The following P2RY10 variants were observed in gnomAD, a reference collection of about 807,000 sequenced individuals.
P2RY10 encodes P2Y receptor family member 10.
A neutral mutation model predicts 12.1 loss-of-function variants in P2RY10; 4 were observed. The observed-to-expected ratio is 0.33, with a 90% CI of 0.16 to 0.76. P2RY10 has a LOEUF of 0.76. Among genes scored for constraint, P2RY10 ranks in the 30% least tolerant of loss-of-function variants. The pLI is 0.61. For missense variants in P2RY10, 233 were observed against 264.6 expected (o/e 0.88, Z 0.83); for synonymous variants, 112 against 94.1 (o/e 1.19, Z -1.10).
At chrX:78,957,592 C>T (rs939589444) in intron 3 of P2RY10, among the ~76,000 whole-genome samples, 9 of 110,953 alleles carry the variant, frequency 8.1e-5, no homozygotes, top group Non-Finnish European at 1.7e-4. Flanking sequence ...TGCTCAACCC[C>T]AAATAAATAC....
At chrX:78,953,427 C>G (rs977561703) in intron 3 of P2RY10, among the ~76,000 whole-genome samples, 23 of 111,827 alleles carry the variant, frequency 2.1e-4, no homozygotes, top group African/African-American at 7.5e-4. Flanking sequence ...GCAGATAGTA[C>G]AAAATTGAAA....
In P2RY10 at chrX:78,962,892, G is replaced by GT. The variant is rs1357185053; in HGVS notation, c.*1358dup. On this transcript the variant is annotated 3_prime_UTR_variant, in exon 4 of 4. Transcript: ENST00000171757. ...GCTATATAATATTGTAAACAAATTT[G>GT]TTTTTTAGAAACTTTTAAGAAGATT... is the stretch of plus-strand genomic sequence containing the variant. Among the ~76,000 whole-genome samples the GT allele has an allele frequency of 8.9e-6, 1 of 111,865 alleles. No individual in the cohort carries two copies. Among genetic ancestry groups the GT allele is most frequent in the Non-Finnish European group, 1.9e-5 (1 of 53,123 alleles).
In P2RY10 at chrX:78,960,872, T is replaced by A; in HGVS notation, c.352T>A (p.Tyr118Asn). Residue 118 changes from tyrosine to asparagine, a missense_variant, in exon 4 of 4, where the codon TAT (tyrosine) becomes AAT (asparagine). Coordinates refer to ENST00000171757, the MANE Select transcript of P2RY10 (RefSeq NM_014499.4). ...CTTCTACCTGAAGTATCTCAACATG[T>A]ATGCCAGCATTTGTTTCCTGACGTG... ...LCFYLKYLNM[Y>N]ASICFLTCIS... 1 of 1,211,450 alleles carries A rather than the reference T, an allele frequency of 8.3e-7. No homozygotes were observed. The highest frequency in any genetic ancestry group is 1.8e-5 in the South Asian group (1 of 56,988).
Position 78,961,600 on chromosome X carries a change from G to A in P2RY10, c.*60G>A, listed in dbSNP as rs975571437. On this transcript the variant is annotated 3_prime_UTR_variant, in exon 4 of 4. Coordinates refer to ENST00000171757, the MANE Select transcript of P2RY10 (RefSeq NM_014499.4). The stretch of plus-strand genomic sequence containing the variant: ...CCTACGTTCCTTGTCTTTTTCCAAA[G>A]GCCAGAATTGTCAACCAATTTCTTT... The A allele has an allele frequency of 9.0e-6, 8 of 890,580 alleles. No individual in the cohort carries two copies. In the African/African-American group the frequency reaches 1.6e-4, roughly 18 times the overall value. The allele number at this position is 890,580 out of a possible 1,213,427, so 73.4% of individuals were successfully genotyped here.
In P2RY10 at chrX:78,963,566, T is replaced by C. The variant is rs1474027863; in HGVS notation, c.*2026T>C. Among the ~76,000 whole-genome samples, 1 of 112,637 alleles carries C rather than the reference T, an allele frequency of 8.9e-6. No homozygotes were observed. Among genetic ancestry groups the C allele is most frequent in the Non-Finnish European group, 1.9e-5 (1 of 53,323 alleles). On this transcript the variant is annotated 3_prime_UTR_variant, in exon 4 of 4. Transcript: ENST00000171757. ...CTTTCAAGTGGTTGATAAAAGGTAG[T>C]GCTTCAAGCACAGGATTTATGGAAT... is the stretch of plus-strand genomic sequence containing the variant.
intron 3 of P2RY10, among the ~76,000 whole-genome samples, chrX:78,958,328 A>G (rs144235950): frequency 1.7e-4 from 19 of 112,573 alleles, no homozygotes; most frequent in African/African-American, 6.1e-4. Flanking sequence ...GTAGAAAACC[A>G]AAAACCAGGT....
At chrX:78,951,553 G>A (rs1006879169) in intron 2 of P2RY10, among the ~76,000 whole-genome samples, 2 of 111,071 alleles carry the variant, frequency 1.8e-5, no homozygotes, top group South Asian at 3.8e-4. Context: ...GAAGAAGAGG[G>A]GAGTGAGAGT....
chrX:78,955,562 CAG>C (rs1473828395), intron 3 of P2RY10, among the ~76,000 whole-genome samples: 1 of 111,616 alleles, frequency 9.0e-6, no homozygotes, highest in Non-Finnish European at 1.9e-5. Flanking sequence ...AAACCTATGT[CAG>C]AGAGAACAGA....
At chrX:78,953,365 A>G (rs976630407) in intron 3 of P2RY10, among the ~76,000 whole-genome samples, 3 of 112,010 alleles carry the variant, frequency 2.7e-5, no homozygotes, top group Non-Finnish European at 5.6e-5. Flanking sequence ...AAGCTCAGTC[A>G]TTATGTTAGA....
At chrX:78,946,752 T>A (rs1278875619) in intron 1 of P2RY10, among the ~76,000 whole-genome samples, 1 of 112,478 alleles carries the variant, frequency 8.9e-6, no homozygotes, top group Non-Finnish European at 1.9e-5. Flanking sequence ...GTTTTTGCAA[T>A]GGTTCCTGTT....
chrX:78,954,735 A>G (rs1179917611), intron 3 of P2RY10, among the ~76,000 whole-genome samples: 1 of 112,237 alleles, frequency 8.9e-6, no homozygotes. Context: ...ATCCTTTGCA[A>G]TTAGCATATA....
At chrX:78,953,995 G>T (rs763327749) in intron 3 of P2RY10, among the ~76,000 whole-genome samples, 4 of 111,750 alleles carry the variant, frequency 3.6e-5, no homozygotes, top group South Asian at 7.6e-4. Context: ...CTCCTGAGTG[G>T]CTGGGACCAC....
At chrX:78,960,411 A>G (rs1251172822) in intron 3 of P2RY10, 97 bp from the exon 4 acceptor site, 4 of 621,724 alleles carry the variant, frequency 6.4e-6, no homozygotes, top group Admixed American at 3.7e-5. Context: ...TTCTAATTCT[A>G]ATAGTCTGTG....
chrX:78,949,581 C>T (rs1017114376), intron 2 of P2RY10, among the ~76,000 whole-genome samples: 2 of 111,976 alleles, frequency 1.8e-5, no homozygotes, highest in African/African-American at 3.2e-5. Flanking sequence ...CTAATTAGGC[C>T]GCCTTCCTAA....
chrX:78,959,288 T>C (rs188109906), intron 3 of P2RY10, among the ~76,000 whole-genome samples: 1 of 111,168 alleles, frequency 9.0e-6, no homozygotes, highest in African/African-American at 3.3e-5. Context: ...TGTGTGGCCA[T>C]AATAAACTCC....
At chrX:78,956,354 G>T (rs1227059545) in intron 3 of P2RY10, among the ~76,000 whole-genome samples, 3 of 111,628 alleles carry the variant, frequency 2.7e-5, no homozygotes, top group Non-Finnish European at 5.7e-5. Context: ...GAAATAGTCG[G>T]CATCAGAAAT....
chrX:78,952,528 T>C (rs1922151267), intron 3 of P2RY10, among the ~76,000 whole-genome samples, 193 bp downstream of exon 3: 1 of 111,236 alleles, frequency 9.0e-6, no homozygotes, highest in Non-Finnish European at 1.9e-5. Flanking sequence ...TAAACAACTA[T>C]GGAGAGAAGG....
chrX:78,960,071 C>A (rs990769780), intron 3 of P2RY10, among the ~76,000 whole-genome samples: 3 of 111,496 alleles, frequency 2.7e-5, no homozygotes, highest in Non-Finnish European at 3.8e-5. Flanking sequence ...AAATGGCAGA[C>A]AAAGGACAGG....
chrX:78,959,010 A>C (rs1365299261), intron 3 of P2RY10, among the ~76,000 whole-genome samples: 1 of 102,236 alleles, frequency 9.8e-6, no homozygotes, highest in Non-Finnish European at 2.0e-5. Context: ...AAACCAGGTT[A>C]CTTCTTTGCT....
Sources: allele counts gnomAD v4.1 joint callset (sites outside exome capture counted in the v4.1 genomes callset), GRCh38; gene constraint gnomAD v4.1.1; transcripts MANE v1.5; gene names NCBI Gene and HGNC (gene_info 2026-07-23, HGNC 2026-07-21).